Variants in GPHN observed in about 807,000 individuals in gnomAD.
The protein encoded by GPHN is gephyrin.
In GPHN, 17 loss-of-function variants were observed where a neutral mutation model predicts 95.5. That is an observed-to-expected ratio of 0.18 (90% CI 0.12 to 0.27). The LOEUF is 0.27. Among genes scored for constraint, GPHN ranks in the 10% least tolerant of loss-of-function variants. GPHN has a pLI of 1.00. For synonymous variants in GPHN, 320 were observed against 322.5 expected (o/e 0.99, Z 0.08); for missense variants, 660 against 978.1 (o/e 0.67, Z 4.34).
At chr14:66,673,082 T>A (rs1484151197) in intron 1 of GPHN, among the ~76,000 whole-genome samples, 1 of 152,124 alleles carries the variant, frequency 6.6e-6, no homozygotes, top group Admixed American at 6.6e-5. Flanking sequence ...TAGGCCTCTG[T>A]TTTTAATTTT....
chr14:67,217,138 G>C, the GPHN span, among the ~76,000 whole-genome samples: 1 of 151,386 alleles, frequency 6.6e-6, no homozygotes, highest in East Asian at 1.9e-4. Context: ...AAATTGATCC[G>C]TTTATAACTA....
At chr14:66,745,634 T>C (rs910957826) in intron 2 of GPHN, among the ~76,000 whole-genome samples, 1 of 152,000 alleles carries the variant, frequency 6.6e-6, no homozygotes, top group Admixed American at 6.6e-5. Flanking sequence ...GTGGAAAGTG[T>C]TGCCAATTAT....
intron 17 of GPHN, among the ~76,000 whole-genome samples, chr14:67,128,800 C>T (rs1201429739): frequency 4.0e-5 from 6 of 149,390 alleles, no homozygotes; most frequent in African/African-American, 9.8e-5. Context: ...CCGGGCGTGG[C>T]GGTGGGCGCT....
At chr14:66,954,727 T>C (rs1290427101) in intron 8 of GPHN, among the ~76,000 whole-genome samples, 1 of 152,226 alleles carries the variant, frequency 6.6e-6, no homozygotes, top group East Asian at 1.9e-4. Context: ...AGTCTCATTA[T>C]TAAGGAGGAT....
chr14:67,486,377 C>T, the GPHN span, among the ~76,000 whole-genome samples: 486 of 152,360 alleles, frequency 3.2e-3, 3 homozygotes, highest in African/African-American at 6.5e-3. Context: ...CAGGTTCAAG[C>T]GATTCTCCTG....
the GPHN span, among the ~76,000 whole-genome samples, chr14:67,413,299 A>G: frequency 1.3e-5 from 2 of 151,896 alleles, no homozygotes; most frequent in Non-Finnish European, 1.5e-5. Flanking sequence ...ACAGGGTCTC[A>G]CTATATTGTC....
chr14:67,214,508 C>A, the GPHN span, among the ~76,000 whole-genome samples: 2 of 152,166 alleles, frequency 1.3e-5, no homozygotes, highest in African/African-American at 4.8e-5. Context: ...GGGCTCTGTT[C>A]TGTTCCATTG....
intron 1 of GPHN, among the ~76,000 whole-genome samples, chr14:66,575,720 C>T (rs373294309): frequency 2.4e-4 from 37 of 152,216 alleles, no homozygotes; most frequent in African/African-American, 8.4e-4. Context: ...GCATCAGAGT[C>T]TAATCAAGTG....
At chr14:67,585,097 T>C in the GPHN span, 9 of 156,558 alleles carry the variant, frequency 5.7e-5, no homozygotes, top group Non-Finnish European at 1.3e-4. Flanking sequence ...GCCACAGGAC[T>C]GCATTCTTGC....
At chr14:67,549,711 C>T in the GPHN span, among the ~76,000 whole-genome samples, 1 of 152,220 alleles carries the variant, frequency 6.6e-6, no homozygotes, top group African/African-American at 2.4e-5. Flanking sequence ...GCTACGGCTC[C>T]AGGCTGCATC....
At chr14:67,227,481 A>T in the GPHN span, 1 of 151,878 alleles carries the variant, frequency 6.6e-6, no homozygotes, top group East Asian at 1.9e-4. Flanking sequence ...TTTGCTCCCA[A>T]ATCCTTATAT....
intron 2 of GPHN, among the ~76,000 whole-genome samples, chr14:66,744,736 A>C (rs1312325598): frequency 2.0e-5 from 3 of 152,170 alleles, no homozygotes; most frequent in Admixed American, 6.5e-5. Context: ...AAATACAAAA[A>C]AATTCTGGCT....
the GPHN span, chr14:67,383,767 C>T: frequency 6.5e-6 from 2 of 305,778 alleles, no homozygotes; most frequent in Non-Finnish European, 1.3e-5. Context: ...CAATGCCTCA[C>T]GAGATTTGCC....
chr14:67,164,049 A>C (rs1407364188), intron 19 of GPHN, among the ~76,000 whole-genome samples: 1 of 151,928 alleles, frequency 6.6e-6, no homozygotes, highest in African/African-American at 2.4e-5. Flanking sequence ...CAGGCGGATC[A>C]CCTGAGGTCG....
At chr14:67,707,826 G>T in the GPHN span, among the ~76,000 whole-genome samples, 1 of 152,120 alleles carries the variant, frequency 6.6e-6, no homozygotes, top group Non-Finnish European at 1.5e-5. Context: ...GGGCTCCTGG[G>T]CCTGTCAGAA....
At chr14:66,838,143 C>A (rs1366809856) in intron 4 of GPHN, among the ~76,000 whole-genome samples, 1 of 151,986 alleles carries the variant, frequency 6.6e-6, no homozygotes, top group East Asian at 1.9e-4. Flanking sequence ...AGTGTGCAAC[C>A]CCATGCAATT....
the GPHN span, among the ~76,000 whole-genome samples, chr14:67,314,063 T>C: frequency 6.6e-6 from 1 of 152,186 alleles, no homozygotes; most frequent in Non-Finnish European, 1.5e-5. Context: ...GGCCTTATCT[T>C]TTATCTACAA....
At chr14:66,543,815 A>G (rs1310102242) in intron 1 of GPHN, among the ~76,000 whole-genome samples, 1 of 152,084 alleles carries the variant, frequency 6.6e-6, no homozygotes, top group Non-Finnish European at 1.5e-5. Flanking sequence ...CCTGGTTCAA[A>G]CCACCATTAT....
At chr14:67,674,372 C>A in the GPHN span, 1 of 1,591,046 alleles carries the variant, frequency 6.3e-7, no homozygotes, top group Non-Finnish European at 8.5e-7. Context: ...ACCCCCGCCT[C>A]ACCGGTCCCC....
Sources: allele counts gnomAD v4.1 joint callset (sites outside exome capture counted in the v4.1 genomes callset), GRCh38; gene constraint gnomAD v4.1.1; transcripts MANE v1.5; gene names NCBI Gene and HGNC (gene_info 2026-07-23, HGNC 2026-07-21).